Variants in THSD4 observed in about 807,000 individuals in gnomAD.
THSD4 encodes thrombospondin type 1 domain containing 4.
THSD4 carries 69 observed loss-of-function variants against 119.0 expected under a neutral mutation model. The ratio of observed to expected loss-of-function variants is 0.58; its 90% CI spans 0.48 to 0.71. The LOEUF is 0.71. Ranked by LOEUF, THSD4 falls within the 30% of genes least tolerant of loss-of-function variation. THSD4 has a pLI of 0.00. For synonymous variants in THSD4, 524 were observed against 540.4 expected, an observed-to-expected ratio of 0.97 and a Z score of 0.42; for missense variants, 1,393 against 1,391.1, an observed-to-expected ratio of 1.00 and a Z score of -0.02.
chr15:71,304,012 G>A (rs937313450), intron 6 of THSD4, among the ~76,000 whole-genome samples: 4 of 152,182 alleles, frequency 2.6e-5, no homozygotes, highest in African/African-American at 7.2e-5. Context: ...AGAAGGACAC[G>A]TCTCCAAGAT....
chr15:71,408,895 A>G (rs2046644319), intron 6 of THSD4, among the ~76,000 whole-genome samples: 1 of 152,162 alleles, frequency 6.6e-6, no homozygotes. Flanking sequence ...AAGTCTATGC[A>G]GGGTCTAGAG....
At chr15:71,313,134 A>G (rs2045135521) in intron 6 of THSD4, among the ~76,000 whole-genome samples, 1 of 152,200 alleles carries the variant, frequency 6.6e-6, no homozygotes, top group African/African-American at 2.4e-5. Context: ...ATTTATTGAT[A>G]TCAGTATGGA....
intron 1 of THSD4, among the ~76,000 whole-genome samples, chr15:71,106,690 G>A (rs1168884023): frequency 6.6e-6 from 1 of 152,004 alleles, no homozygotes; most frequent in Non-Finnish European, 1.5e-5. Flanking sequence ...AGGTTTTGCT[G>A]CAGTAACAAA....
At chr15:71,676,571 C>T (rs1031429949) in intron 8 of THSD4, among the ~76,000 whole-genome samples, 14 of 152,168 alleles carry the variant, frequency 9.2e-5, no homozygotes, top group Admixed American at 3.9e-4. Flanking sequence ...TGAGCTACTG[C>T]GCCCAGCCTC....
intron 7 of THSD4, among the ~76,000 whole-genome samples, chr15:71,423,084 C>T (rs971745259): frequency 3.3e-5 from 5 of 152,162 alleles, no homozygotes; most frequent in Admixed American, 6.5e-5. Context: ...CCCTTTAGAG[C>T]AGTTGGCTCC....
intron 6 of THSD4, among the ~76,000 whole-genome samples, chr15:71,313,726 A>T (rs186822241): frequency 4.3e-4 from 66 of 152,270 alleles, no homozygotes; most frequent in Admixed American, 3.9e-3. Context: ...TGATTTTTTC[A>T]TACTTACCCC....
chr15:71,509,666 A>C (rs2048248655), intron 7 of THSD4, among the ~76,000 whole-genome samples: 1 of 152,208 alleles, frequency 6.6e-6, no homozygotes, highest in South Asian at 2.1e-4. Context: ...GGCTGCTTTC[A>C]CCATACTGTA....
intron 6 of THSD4, among the ~76,000 whole-genome samples, chr15:71,404,493 T>G (rs1225602102): frequency 6.6e-6 from 1 of 152,246 alleles, no homozygotes; most frequent in Non-Finnish European, 1.5e-5. Context: ...ATTCACCAGT[T>G]GAGAGACATT....
chr15:71,312,364 A>G (rs914276685), intron 6 of THSD4, among the ~76,000 whole-genome samples: 2 of 152,012 alleles, frequency 1.3e-5, no homozygotes, highest in Admixed American at 1.3e-4. Context: ...GGGGAGGGTA[A>G]TTGAGTTAAA....
At chr15:71,518,056 G>T (rs2048385603) in intron 7 of THSD4, among the ~76,000 whole-genome samples, 1 of 152,184 alleles carries the variant, frequency 6.6e-6, no homozygotes, top group African/African-American at 2.4e-5. Context: ...AAAAGGAAAG[G>T]AAAGGCCAAG....
intron 17 of THSD4, among the ~76,000 whole-genome samples, chr15:71,772,897 T>A (rs2053846535): frequency 6.6e-6 from 1 of 151,752 alleles, no homozygotes; most frequent in South Asian, 2.1e-4. Context: ...GAGAAAACAG[T>A]CTGTAAAAAT....
intron 8 of THSD4, among the ~76,000 whole-genome samples, chr15:71,667,117 A>G (rs775615045): frequency 1.2e-4 from 18 of 152,254 alleles, no homozygotes; most frequent in Admixed American, 3.9e-4. Flanking sequence ...ATTTGTTTAC[A>G]TGCTCCAAAA....
chr15:71,619,864 C>A (rs1022726965), intron 7 of THSD4, among the ~76,000 whole-genome samples: 3 of 152,176 alleles, frequency 2.0e-5, no homozygotes, highest in Non-Finnish European at 4.4e-5. Flanking sequence ...GTGATCCTGA[C>A]CAAGGTTTGA....
chr15:71,651,985 G>A (rs942365695), intron 7 of THSD4, among the ~76,000 whole-genome samples: 5 of 152,178 alleles, frequency 3.3e-5, no homozygotes, highest in Admixed American at 6.5e-5. Context: ...GGACGGTCCC[G>A]TGAGAGCCTT....
At chr15:71,343,887 T>C (rs1317758701) in intron 6 of THSD4, among the ~76,000 whole-genome samples, 1 of 151,632 alleles carries the variant, frequency 6.6e-6, no homozygotes, top group Non-Finnish European at 1.5e-5. Context: ...TAACTTTTTG[T>C]ATTTTGTGTA....
intron 14 of THSD4, among the ~76,000 whole-genome samples, chr15:71,754,603 G>T (rs1405890637): frequency 6.6e-6 from 1 of 152,184 alleles, no homozygotes; most frequent in East Asian, 1.9e-4. Context: ...CAAAGGACAT[G>T]AAATATGCAA....
chr15:71,447,115 T>TG, intron 7 of THSD4, among the ~76,000 whole-genome samples: 1 of 56,414 alleles, frequency 1.8e-5, no homozygotes, highest in East Asian at 4.6e-4. Flanking sequence ...CTCCATTTTT[T>TG]TTGTTTTTTT....
At chr15:71,578,262 T>C (rs1409332767) in intron 7 of THSD4, among the ~76,000 whole-genome samples, 1 of 145,700 alleles carries the variant, frequency 6.9e-6, no homozygotes, top group Non-Finnish European at 1.5e-5. Flanking sequence ...CAGTGTAGAC[T>C]CCAGGTGGTT....
intron 6 of THSD4, among the ~76,000 whole-genome samples, chr15:71,394,173 C>T (rs907253463): frequency 2.0e-5 from 3 of 150,732 alleles, no homozygotes; most frequent in Non-Finnish European, 2.9e-5. Context: ...ATTTATTTGG[C>T]AGCCCTAATC....
Sources: allele counts gnomAD v4.1 joint callset (sites outside exome capture counted in the v4.1 genomes callset), GRCh38; gene constraint gnomAD v4.1.1; transcripts MANE v1.5; gene names NCBI Gene and HGNC (gene_info 2026-07-23, HGNC 2026-07-21).